Variants in SDC3 observed in about 807,000 individuals in gnomAD.
The protein encoded by SDC3 is syndecan 3, also known as syndecan-3.
Under a neutral mutation model 24.4 loss-of-function variants are expected in SDC3, and 13 were observed. The observed-to-expected ratio is 0.53, with a 90% CI of 0.35 to 0.85. SDC3 has a LOEUF of 0.85. Among genes scored for constraint, SDC3 ranks in the 40% least tolerant of loss-of-function variants. The pLI, the probability that SDC3 is intolerant of heterozygous loss-of-function variation, is 0.01. For missense variants in SDC3, 571 were observed against 584.5 expected (o/e 0.98, Z 0.24); for synonymous variants, 295 against 260.9 (o/e 1.13, Z -1.26).
chr1:30,884,777 G>T (rs957896721), intron 1 of SDC3, among the ~76,000 whole-genome samples: 1 of 152,150 alleles, frequency 6.6e-6, no homozygotes, highest in Non-Finnish European at 1.5e-5. Flanking sequence ...GGACTCCCAA[G>T]AATTTGATCC....
chr1:30,898,164 G>A (rs920106638), intron 1 of SDC3, among the ~76,000 whole-genome samples: 2 of 152,196 alleles, frequency 1.3e-5, no homozygotes, highest in East Asian at 1.9e-4. Context: ...CAGAAAGGGC[G>A]GCCCCTACAG....
At chr1:30,896,132 G>A (rs1639995457) in intron 1 of SDC3, among the ~76,000 whole-genome samples, 1 of 152,230 alleles carries the variant, frequency 6.6e-6, no homozygotes, top group Admixed American at 6.5e-5. Flanking sequence ...GGGCTGGGGA[G>A]AAAGGACCAA....
At chr1:30,904,022 C>T (rs71644192) in intron 1 of SDC3, among the ~76,000 whole-genome samples, 6,590 of 152,072 alleles carry the variant, frequency 0.043, 143 homozygotes, top group Middle Eastern at 0.095. Context: ...GTCAGGTGTT[C>T]GAGAACAGCC....
chr1:30,891,074 C>A lies in SDC3; in HGVS notation c.139-12334G>T, dbSNP rs558449859. Reference sequence around the variant, plus strand: ...TCGACCCCAGCATTCCAGCTGCAGCCCTCAGTGGTTCCGGATGCCCCACCC... The same window carrying A: ...TCGACCCCAGCATTCCAGCTGCAGCACTCAGTGGTTCCGGATGCCCCACCC... On this transcript the variant is annotated intron_variant, in intron 1 of 4. Transcript: ENST00000339394. 5.1e-3 allele frequency among the ~76,000 whole-genome samples: 776 copies of A among 152,342 alleles called. 6 individuals carry two copies. The highest frequency in any genetic ancestry group is 0.014 in the Middle Eastern group (4 of 294).
Position 30,873,179 on chromosome 1 carries a change from T to C in SDC3, c.*32A>G. The C allele has an allele frequency of 6.4e-7, 1 of 1,553,146 alleles. No homozygotes were observed. Among genetic ancestry groups the C allele is most frequent in the Non-Finnish European group, 8.9e-7 (1 of 1,126,314 alleles). On this transcript the variant is annotated 3_prime_UTR_variant, in exon 5 of 5. Coordinates refer to ENST00000339394, the MANE Select transcript of SDC3 (RefSeq NM_014654.4). ...GGCTGGGGACTGGACAGCAGGGTGG[T>C]GTTGAGGCTGCAGGGAGGCACTGTG...
chr1:30,876,631 G>A lies in SDC3; in HGVS notation c.791C>T (p.Thr264Ile). The A allele has an allele frequency of 3.8e-6, 6 of 1,578,144 alleles. 1 individual carries two copies. The highest frequency in any genetic ancestry group is 2.3e-5 in the South Asian group (2 of 86,110). The change falls in exon 3 of 5, where the codon ACC becomes ATC. Residue 264 changes from threonine (T) to isoleucine (I), a missense_variant. By Grantham distance (89) the Thr-to-Ile change is moderately conservative. Coordinates refer to ENST00000339394, the MANE Select transcript of SDC3 (RefSeq NM_014654.4). ...CTCAGGGATGTCAGGCTCCTGGGTG[G>A]TGGCCGGCCTGGGAAGGGCTCTTGG... ...SRPRALPRPA[T>I]TQEPDIPERS...
In SDC3 at chr1:30,873,292, C is replaced by G; in HGVS notation, c.1248G>C (p.Glu416Asp). ...TGGGTTCCTCCAGCGTGTAGCTGCC[C>G]TCATCCTTTTTCTTCATACGATAGA... ...LLIYRMKKKD[E>D]GSYTLEEPKQ... Residue 416 changes from glutamate (E) to aspartate (D), a missense_variant, in exon 5 of 5, where the codon GAG becomes GAC. Glu to Asp is a conservative substitution (Grantham distance 45). Transcript: ENST00000339394. 2.5e-6 allele frequency: 4 copies of G among 1,612,988 alleles called. No individual in the cohort carries two copies. Among genetic ancestry groups the G allele is most frequent in the Non-Finnish European group, 2.5e-6 (3 of 1,178,940 alleles).
rs1420818926 is a variant in SDC3, at chr1:30,878,495, A to G, written c.256+128T>C. 4.3e-6 allele frequency: 3 copies of G among 700,454 alleles called. No homozygotes were observed. In the Admixed American group the frequency reaches 7.3e-5, roughly 17 times the overall value. 43.4% of individuals were successfully genotyped at this position (700,454 alleles called of 1,614,324 possible). On this transcript the variant is annotated intron_variant, in intron 2 of 4. Coordinates refer to ENST00000339394, the MANE Select transcript of SDC3 (RefSeq NM_014654.4). ...GTTCTGGGGATCCAGAGCAAGAAGA[A>G]CTTGCCTGACCCAGGCAGTGAATGC...
intron 2 of SDC3, chr1:30,877,373 T>G (rs1191160107): frequency 1.5e-6 from 1 of 681,870 alleles, no homozygotes; most frequent in Non-Finnish European, 2.5e-6. Context: ...CTCTGCCAAG[T>G]CAAAAATTCT....
At chr1:30,888,735 C>A (rs1027378745) in intron 1 of SDC3, among the ~76,000 whole-genome samples, 1 of 152,190 alleles carries the variant, frequency 6.6e-6, no homozygotes, top group Non-Finnish European at 1.5e-5. Flanking sequence ...CCACTCCCCG[C>A]CCCCAGCCTG....
rs140343884 is a variant in SDC3 at position 30,907,446 on chromosome 1, C to T, written c.138+1003G>A. Among the ~76,000 whole-genome samples the T allele has an allele frequency of 4.4e-3, 667 of 152,284 alleles. 8 individuals are homozygous for T. The highest frequency in any genetic ancestry group is 0.015 in the African/African-American group (621 of 41,540). ...ATGCTTGGTTCCCCTCAGGGGTCCT[C>T]GTCCTATGTCCAGGGTCCCCCATGC... On this transcript the variant is annotated intron_variant, in intron 1 of 4. Transcript: ENST00000339394.
In SDC3 at chr1:30,876,897, A is replaced by G. The variant is rs776474089; in HGVS notation, c.525T>C (p.Thr175=). 1 of 1,613,744 alleles carries G rather than the reference A, an allele frequency of 6.2e-7. No homozygotes were observed. The highest frequency in any genetic ancestry group is 8.5e-7 in the Non-Finnish European group (1 of 1,179,924). ...CCACTGTGGCAGGCACTGTGGCCAC[A>G]GTCGGGTCCCCTGTGCTTGTGGCAG... ...TTAATSTGDP[T]VATVPATVAT... is the part of the protein sequence containing the mutation. The change falls in exon 3 of 5, where the codon ACT becomes ACC. Residue 175 remains threonine (T), a synonymous_variant. Coordinates refer to ENST00000339394, the MANE Select transcript of SDC3 (RefSeq NM_014654.4).
chr1:30,891,659 C>G (rs182269513), intron 1 of SDC3, among the ~76,000 whole-genome samples: 1 of 151,906 alleles, frequency 6.6e-6, no homozygotes, highest in Non-Finnish European at 1.5e-5. Context: ...GGGTGGATCA[C>G]GAGATCAGGA....
chr1:30,891,218 T>C (rs1409865593), intron 1 of SDC3, among the ~76,000 whole-genome samples: 1 of 152,218 alleles, frequency 6.6e-6, no homozygotes, highest in African/African-American at 2.4e-5. Context: ...GCCTGAATTT[T>C]AACTCAAGTC....
Position 30,876,936 on chromosome 1 carries a change from G to C in SDC3, c.486C>G (p.Thr162=), listed in dbSNP as rs1398814444. The part of the protein sequence containing the change: ...PSQRATTVST[T]MATTAATSTG... ...TGCTTGTGGCAGCAGTGGTAGCCAT[G>C]GTAGTGGAGACGGTGGTGGCTCTCT... The change falls in exon 3 of 5, where the codon ACC becomes ACG. Residue 162 remains threonine (T), a synonymous_variant. Coordinates refer to ENST00000339394, the MANE Select transcript of SDC3 (RefSeq NM_014654.4). 1.2e-6 allele frequency: 2 copies of C among 1,613,718 alleles called. No individual in the cohort carries two copies. The highest frequency in any genetic ancestry group is 1.3e-5 in the African/African-American group (1 of 74,896).
At position 30,875,509 on chromosome 1, in the gene SDC3, C is replaced by G. The variant is rs78588275; in HGVS notation, c.871-921G>C. On this transcript the variant is annotated intron_variant, in intron 3 of 4. Coordinates refer to ENST00000339394, the MANE Select transcript of SDC3 (RefSeq NM_014654.4). ...GACTGACACTGACCCCAAGGCAGCGCCACGGCCCAAGGGCCTTCCACAGTG... is the reference window on the plus strand; with the variant it reads ...GACTGACACTGACCCCAAGGCAGCGGCACGGCCCAAGGGCCTTCCACAGTG... 6.0e-3 allele frequency among the ~76,000 whole-genome samples: 920 copies of G among 152,282 alleles called. 7 individuals carry two copies. The highest frequency in any genetic ancestry group is 0.021 in the African/African-American group (869 of 41,556).
intron 1 of SDC3, among the ~76,000 whole-genome samples, chr1:30,889,862 A>G (rs1363942142): frequency 6.6e-6 from 1 of 152,226 alleles, no homozygotes; most frequent in Non-Finnish European, 1.5e-5. Flanking sequence ...TATATTCAAG[A>G]AAAATGAAAA....
intron 1 of SDC3, among the ~76,000 whole-genome samples, chr1:30,902,582 G>A (rs922379783): frequency 6.6e-6 from 1 of 152,252 alleles, no homozygotes; most frequent in Non-Finnish European, 1.5e-5. Flanking sequence ...CCTGCTCCCT[G>A]CTGGGACAGG....
At chr1:30,898,522 C>T (rs1267595463) in intron 1 of SDC3, among the ~76,000 whole-genome samples, 3 of 152,160 alleles carry the variant, frequency 2.0e-5, no homozygotes, top group Non-Finnish European at 4.4e-5. Flanking sequence ...GGACTCCCTG[C>T]CCAGCCCCCA....
Sources: allele counts gnomAD v4.1 joint callset (sites outside exome capture counted in the v4.1 genomes callset), GRCh38; gene constraint gnomAD v4.1.1; transcripts MANE v1.5; gene names NCBI Gene and HGNC (gene_info 2026-07-23, HGNC 2026-07-21).